Variants in EGFL6 observed in about 807,000 individuals in gnomAD.
The protein encoded by EGFL6 is EGF like domain multiple 6, also known as epidermal growth factor-like protein 6.
EGFL6 carries 42 observed loss-of-function variants against 43.1 expected under a neutral mutation model. The ratio of observed to expected loss-of-function variants is 0.98; its 90% confidence interval spans 0.76 to 1.26. The LOEUF (loss-of-function observed/expected upper bound fraction) is 1.26. Among genes scored for constraint, EGFL6 ranks in the 50% most tolerant of loss-of-function variants. The pLI, the probability that EGFL6 is intolerant of heterozygous loss-of-function variation, is 0.00. For missense variants in EGFL6, 429 were observed against 427.8 expected (o/e 1.00, Z -0.02); for synonymous variants, 164 against 163.2 (o/e 1.01, Z -0.04).
chrX:13,585,774 T>C (rs1295559672), intron 1 of EGFL6, among the ~76,000 whole-genome samples: 11 of 111,600 alleles, frequency 9.9e-5, no homozygotes, highest in African/African-American at 3.6e-4. Flanking sequence ...TTTTCTTTCA[T>C]CATGTTTTCT....
chrX:13,572,957 G>C (rs777551353), intron 1 of EGFL6, among the ~76,000 whole-genome samples: 4 of 112,303 alleles, frequency 3.6e-5, no homozygotes, highest in Non-Finnish European at 5.6e-5. Flanking sequence ...TCCATTTCTT[G>C]TATCTTCCAG....
At chrX:13,622,611 C>T (rs1195869384) in intron 9 of EGFL6, among the ~76,000 whole-genome samples, 1 of 111,837 alleles carries the variant, frequency 8.9e-6, no homozygotes, top group Non-Finnish European at 1.9e-5. Context: ...TTATCTACAT[C>T]AGAGGTCAGC....
At chrX:13,591,555 G>A (rs1384930777) in intron 2 of EGFL6, among the ~76,000 whole-genome samples, 2 of 111,774 alleles carry the variant, frequency 1.8e-5, no homozygotes, top group African/African-American at 3.3e-5. Context: ...GTAAAGTCAT[G>A]TTTCTTGAAG....
chrX:13,596,785 C>G (rs193124098), intron 3 of EGFL6, among the ~76,000 whole-genome samples: 1 of 112,127 alleles, frequency 8.9e-6, no homozygotes. Flanking sequence ...CTACTGGTGT[C>G]TAATGGGTAG....
At chrX:13,572,733 T>C (rs1040733949) in intron 1 of EGFL6, among the ~76,000 whole-genome samples, 1 of 112,426 alleles carries the variant, frequency 8.9e-6, no homozygotes, top group Non-Finnish European at 1.9e-5. Context: ...TGAGAGGCTT[T>C]ACTTACAGAG....
chrX:13,631,103 C>T (rs892930538), intron 11 of EGFL6, among the ~76,000 whole-genome samples: 10 of 112,378 alleles, frequency 8.9e-5, no homozygotes, highest in Non-Finnish European at 1.7e-4. Flanking sequence ...CTGCAGTATG[C>T]GTAGGCTATT....
At chrX:13,602,575 GA>G (rs968685923) in intron 4 of EGFL6, among the ~76,000 whole-genome samples, 1 of 111,692 alleles carries the variant, frequency 9.0e-6, no homozygotes, top group Non-Finnish European at 1.9e-5. Flanking sequence ...CACACACATG[GA>G]AAATAGACAA....
chrX:13,605,973 G>A (rs2045657980), intron 5 of EGFL6, among the ~76,000 whole-genome samples: 1 of 111,844 alleles, frequency 8.9e-6, no homozygotes, highest in South Asian at 3.7e-4. Context: ...TTAAAGTATA[G>A]CTATCTGACT....
chrX:13,604,728 G>C (rs892139199), intron 5 of EGFL6, among the ~76,000 whole-genome samples: 2 of 111,921 alleles, frequency 1.8e-5, no homozygotes, highest in African/African-American at 3.2e-5. Flanking sequence ...ATAATATTTA[G>C]AGTAAGTGAG....
chrX:13,619,865 G>T (rs2045740479), intron 9 of EGFL6, among the ~76,000 whole-genome samples: 1 of 111,155 alleles, frequency 9.0e-6, no homozygotes. Context: ...GACTCACTCA[G>T]CTCTGCTCCA....
chrX:13,594,362 A>G (rs142893882), intron 2 of EGFL6, among the ~76,000 whole-genome samples: 1,200 of 111,866 alleles, frequency 0.011, 14 homozygotes, highest in African/African-American at 0.036. Flanking sequence ...CATCCTCATC[A>G]TCATCATGAT....
At chrX:13,619,520 G>T (rs2045738585) in intron 9 of EGFL6, among the ~76,000 whole-genome samples, 1 of 111,412 alleles carries the variant, frequency 9.0e-6, no homozygotes, top group Admixed American at 9.5e-5. Context: ...ATATGGAGAT[G>T]GGAGAAACTT....
At chrX:13,632,525 T>C (rs1183434454) in intron 11 of EGFL6, among the ~76,000 whole-genome samples, 55 of 109,063 alleles carry the variant, frequency 5.0e-4, no homozygotes, top group African/African-American at 1.7e-3. Flanking sequence ...AGGATGATCT[T>C]GATCTCCTGA....
At chrX:13,577,765 T>C (rs2045482138) in intron 1 of EGFL6, among the ~76,000 whole-genome samples, 1 of 112,191 alleles carries the variant, frequency 8.9e-6, no homozygotes, top group South Asian at 3.6e-4. Context: ...TCTTAGGTAA[T>C]AAGCCCAGTG....
At chrX:13,611,747 G>A (rs2045689767) in intron 7 of EGFL6, among the ~76,000 whole-genome samples, 1 of 112,360 alleles carries the variant, frequency 8.9e-6, no homozygotes, top group African/African-American at 3.2e-5. Context: ...AAAGAAATTT[G>A]TCTTTATTCT....
rs940314535 is a variant in EGFL6, at chrX:13,608,178, G to A, written c.656-146G>A. On this transcript the variant is annotated intron_variant, in intron 6 of 11. Transcript: ENST00000361306. ...GCCAGGGCTGCTGGCCAATGAGCCT[G>A]CAGTTCTGAACACCTCTCAGTTCTC... The A allele has an allele frequency of 8.6e-6, 6 of 694,591 alleles. No homozygotes were observed. The African/African-American group carries it at 1.1e-4, about 13-fold the overall frequency. The allele number at this position is 694,591 out of a possible 1,213,427, so 57.2% of individuals were successfully genotyped here.
chrX:13,589,350 G>A (rs1432344766), intron 1 of EGFL6, among the ~76,000 whole-genome samples: 5 of 111,993 alleles, frequency 4.5e-5, no homozygotes, highest in Admixed American at 1.9e-4. Context: ...TCTTTTAACC[G>A]TGGGGAAGAA....
Position 13,617,909 on chromosome X carries a change from GA to G in EGFL6, c.959del (p.Glu320GlyfsTer2), listed in dbSNP as rs776722370. The G allele has an allele frequency of 5.8e-6, 7 of 1,209,508 alleles. No homozygotes were observed. In the Admixed American group the frequency reaches 8.7e-5, roughly 15 times the overall value. ...KVNLQPFNYE[E>X]IVSRGGNSHG... is the part of the protein sequence containing the mutation. ...GAACTTGCAGCCCTTCAACTATGAA[GA>G]GATAGTTTCCAGAGGCGGGAACTCT... is the stretch of plus-strand genomic sequence containing the variant. On this transcript the variant is annotated frameshift_variant, in exon 8 of 12. Transcript: ENST00000361306. LOFTEE classifies it high-confidence loss of function.
At chrX:13,601,201 C>T (rs919421194) in intron 4 of EGFL6, among the ~76,000 whole-genome samples, 9 of 111,731 alleles carry the variant, frequency 8.1e-5, no homozygotes, top group Non-Finnish European at 1.7e-4. Context: ...CTTCTCGGAA[C>T]ATCAATTCTT....
Sources: allele counts gnomAD v4.1 joint callset (sites outside exome capture counted in the v4.1 genomes callset), GRCh38; gene constraint gnomAD v4.1.1; transcripts MANE v1.5; gene names NCBI Gene and HGNC (gene_info 2026-07-23, HGNC 2026-07-21).